Variants in PPFIBP1 observed in about 807,000 individuals in gnomAD.
PPFIBP1 encodes PPFIB scaffold protein 1.
A neutral mutation model predicts 137.8 loss-of-function variants in PPFIBP1; 112 were observed. That is an observed-to-expected ratio of 0.81 (90% CI 0.70 to 0.95). The LOEUF (loss-of-function observed/expected upper bound fraction) is 0.95, where lower values mean the gene tolerates loss of function less well. PPFIBP1 is among the 40% of genes least tolerant of loss of function. The pLI is 0.00. For synonymous variants in PPFIBP1, 378 were observed against 417.3 expected, an observed-to-expected ratio of 0.91 and a Z score of 1.15; for missense variants, 1,083 against 1,196.6, an observed-to-expected ratio of 0.91 and a Z score of 1.40.
intron 2 of PPFIBP1, among the ~76,000 whole-genome samples, chr12:27,598,562 G>A (rs1336629437): frequency 8.6e-6 from 1 of 115,674 alleles, no homozygotes; most frequent in East Asian, 2.6e-4. Context: ...GTGTGTGTGT[G>A]TGTGTGTGTG....
At position 27,689,265 on chromosome 12, in the gene PPFIBP1, C is replaced by G. The variant is rs530628754; in HGVS notation, c.2685+62C>G. On this transcript the variant is annotated intron_variant, in intron 27 of 29. Transcript: ENST00000228425. The stretch of plus-strand genomic sequence containing the variant: ...CGCAAAGGCAACGTTTTGTCGGTTA[C>G]CTGGTTATTCTGTTTTCTGGGGTTT... The G allele has an allele frequency of 6.2e-6, 9 of 1,452,932 alleles. No homozygotes were observed. In the African/African-American group the frequency reaches 1.3e-4, roughly 21 times the overall value. 90.0% of individuals were successfully genotyped at this position (1,452,932 alleles called of 1,614,324 possible).
chr12:27,687,948 GT>G (rs1259740967), intron 25 of PPFIBP1, among the ~76,000 whole-genome samples: 1 of 152,128 alleles, frequency 6.6e-6, no homozygotes, highest in Non-Finnish European at 1.5e-5. Context: ...GCCAGGCATG[GT>G]GGGTGCACGC....
rs71039821 is a variant in PPFIBP1, at chr12:27,558,596, A to AACACACACAC, written c.-123-19536_-123-19527dup. ...TCCTTCCTGCCCCCACCTCTCCACC[A>AACACACACAC]ACACACACACACACACACACACACA... On this transcript the variant is annotated intron_variant, in intron 1 of 29. Coordinates refer to ENST00000228425, the MANE Select transcript of PPFIBP1 (RefSeq NM_003622.4). Among the ~76,000 whole-genome samples, 23 of 119,870 alleles carry AACACACACAC rather than the reference A, an allele frequency of 1.9e-4. 5 individuals are homozygous for AACACACACAC. Among genetic ancestry groups the AACACACACAC allele is most frequent in the Admixed American group, 6.9e-4 (8 of 11,608 alleles). The allele number at this position is 119,870 out of a possible 152,430, so 78.6% of individuals were successfully genotyped here.
intron 1 of PPFIBP1, among the ~76,000 whole-genome samples, chr12:27,529,563 G>A (rs528810812): frequency 3.9e-5 from 6 of 152,150 alleles, no homozygotes; most frequent in South Asian, 4.2e-4. Context: ...ATGTGGTGGC[G>A]CATGCCTGTA....
intron 2 of PPFIBP1, among the ~76,000 whole-genome samples, chr12:27,616,032 C>T (rs376089848): frequency 2.0e-5 from 3 of 152,150 alleles, no homozygotes; most frequent in South Asian, 2.1e-4. Context: ...TGTTCTAAAT[C>T]GCTTGGGTAC....
At chr12:27,638,947 T>C (rs992101015) in intron 4 of PPFIBP1, among the ~76,000 whole-genome samples, 1 of 152,214 alleles carries the variant, frequency 6.6e-6, no homozygotes, top group African/African-American at 2.4e-5. Flanking sequence ...TTTTCATTAG[T>C]GCAACTGGGC....
chr12:27,655,119 T>C (rs1305155570), intron 8 of PPFIBP1: 1 of 1,473,572 alleles, frequency 6.8e-7, no homozygotes, highest in Non-Finnish European at 9.2e-7. Context: ...GTAGTTTTCT[T>C]TCACTCCTCT....
chr12:27,535,271 T>C (rs71452054), intron 1 of PPFIBP1, among the ~76,000 whole-genome samples: 5 of 152,246 alleles, frequency 3.3e-5, no homozygotes, highest in African/African-American at 4.8e-5. Flanking sequence ...CTTGTCATTC[T>C]ATGTGAAGAA....
chr12:27,659,227 T>C (rs1565957910), intron 10 of PPFIBP1, among the ~76,000 whole-genome samples: 1 of 152,232 alleles, frequency 6.6e-6, no homozygotes, highest in African/African-American at 2.4e-5. Context: ...AAATTTGCTT[T>C]TGCTTTTCAA....
chr12:27,664,925 C>T (rs1263027628), intron 12 of PPFIBP1, among the ~76,000 whole-genome samples: 3 of 152,138 alleles, frequency 2.0e-5, no homozygotes, highest in African/African-American at 4.8e-5. Context: ...TGGTGGCCTA[C>T]GGCTGTAATC....
intron 1 of PPFIBP1, among the ~76,000 whole-genome samples, chr12:27,551,705 C>G (rs1388319596): frequency 6.6e-6 from 1 of 152,134 alleles, no homozygotes; most frequent in East Asian, 1.9e-4. Flanking sequence ...TGTAACAACT[C>G]AATCACTTGG....
chr12:27,621,496 T>A (rs1463921846), intron 2 of PPFIBP1, among the ~76,000 whole-genome samples: 1 of 152,252 alleles, frequency 6.6e-6, no homozygotes, highest in Non-Finnish European at 1.5e-5. Context: ...ATATGTCTCT[T>A]AATATTGTAA....
At chr12:27,573,207 G>T (rs1209378159) in intron 1 of PPFIBP1, among the ~76,000 whole-genome samples, 3 of 152,186 alleles carry the variant, frequency 2.0e-5, no homozygotes, top group African/African-American at 7.2e-5. Flanking sequence ...GTCTTATTGA[G>T]AAAGCAAAAC....
chr12:27,558,888 G>C (rs774064630), intron 1 of PPFIBP1, among the ~76,000 whole-genome samples: 1 of 151,880 alleles, frequency 6.6e-6, no homozygotes, highest in Non-Finnish European at 1.5e-5. Flanking sequence ...ATAGAGGAAG[G>C]GTCTTGCTTT....
At position 27,646,053 on chromosome 12, in the gene PPFIBP1, C is replaced by G. The variant is rs1240288180; in HGVS notation, c.271-9C>G. The stretch of plus-strand genomic sequence containing the variant: ...AGATCAGCCTTACCCATATTACTTC[C>G]TTTTTCAGACAAATGGACACCTACC... On this transcript the variant is annotated splice_polypyrimidine_tract_variant and intron_variant, in intron 4 of 29. Coordinates refer to ENST00000228425, the MANE Select transcript of PPFIBP1 (RefSeq NM_003622.4). 1.3e-6 allele frequency: 2 copies of G among 1,588,406 alleles called. No individual in the cohort carries two copies. The highest frequency in any genetic ancestry group is 2.7e-5 in the African/African-American group (2 of 74,276).
chr12:27,612,556 C>T (rs1185106989), intron 2 of PPFIBP1, among the ~76,000 whole-genome samples: 1 of 151,982 alleles, frequency 6.6e-6, no homozygotes, highest in Non-Finnish European at 1.5e-5. Flanking sequence ...ACTATGTTGC[C>T]TGGCTGGTCT....
intron 2 of PPFIBP1, among the ~76,000 whole-genome samples, chr12:27,623,518 T>C (rs1342716343): frequency 6.6e-6 from 1 of 152,128 alleles, no homozygotes; most frequent in Non-Finnish European, 1.5e-5. Flanking sequence ...CTGAGCTATA[T>C]AGCGAGACCT....
intron 2 of PPFIBP1, among the ~76,000 whole-genome samples, chr12:27,626,039 C>T (rs1242897870): frequency 1.3e-5 from 2 of 152,074 alleles, no homozygotes; most frequent in African/African-American, 4.8e-5. Context: ...CATCCCCTAC[C>T]TTTTCTGGTT....
At chr12:27,561,666 T>C (rs1446529940) in intron 1 of PPFIBP1, among the ~76,000 whole-genome samples, 2 of 152,130 alleles carry the variant, frequency 1.3e-5, no homozygotes, top group Non-Finnish European at 2.9e-5. Context: ...CTCAACCTTG[T>C]TCAGTTTGCT....
Sources: gnomAD v4.1 joint callset for allele counts (sites outside exome capture counted in the v4.1 genomes callset) on GRCh38, gnomAD v4.1.1 for gene constraint, MANE v1.5 for transcripts, NCBI Gene and HGNC (gene_info 2026-07-23, HGNC 2026-07-21) for gene names.